The following WWOX variants were observed in gnomAD, a reference collection of about 807,000 sequenced individuals.
WWOX encodes WW domain containing oxidoreductase, also known as WW domain-containing oxidoreductase.
A neutral mutation model predicts 46.2 loss-of-function variants in WWOX; 69 were observed. The ratio of observed to expected loss-of-function variants is 1.49; its 90% CI spans 1.23 to 1.82. The LOEUF is 1.82. Among genes scored for constraint, WWOX ranks in the 40% most tolerant of loss-of-function variants. The pLI is 0.00. For missense variants in WWOX, 919 were observed against 542.6 expected, an observed-to-expected ratio of 1.69 and a Z score of -6.89; for synonymous variants, 359 against 202.6, an observed-to-expected ratio of 1.77 and a Z score of -6.56.
intron 1 of WWOX, among the ~76,000 whole-genome samples, chr16:78,106,374 C>G (rs1006646212): frequency 6.7e-4 from 97 of 143,946 alleles, no homozygotes; most frequent in African/African-American, 2.4e-3. Context: ...CAGCAGAGAG[C>G]GGGTTATCCT....
intron 8 of WWOX, among the ~76,000 whole-genome samples, chr16:78,888,594 A>G (rs1001327722): frequency 6.6e-6 from 1 of 152,124 alleles, no homozygotes; most frequent in Non-Finnish European, 1.5e-5. Flanking sequence ...GACAGCTGTC[A>G]TTCTAATGAG....
At chr16:78,646,073 C>G in intron 8 of WWOX, among the ~76,000 whole-genome samples, 1 of 152,134 alleles carries the variant, frequency 6.6e-6, no homozygotes, top group East Asian at 1.9e-4. Context: ...CCTTGGGTAA[C>G]TGCGCATACT....
intron 5 of WWOX, among the ~76,000 whole-genome samples, chr16:78,349,032 A>G (rs8058059): frequency 0.59 from 68,843 of 117,644 alleles, 28,196 homozygotes; most frequent in African/African-American, 0.7. Flanking sequence ...CAGGCTGGAT[A>G]ACTTGAACAA....
intron 8 of WWOX, among the ~76,000 whole-genome samples, chr16:79,028,580 C>G (rs867371129): frequency 2.6e-5 from 4 of 151,582 alleles, no homozygotes; most frequent in Admixed American, 1.3e-4. Flanking sequence ...CCTTCCCTCC[C>G]TTTCCAGCTT....
At chr16:79,188,441 A>G (rs180967635) in intron 8 of WWOX, among the ~76,000 whole-genome samples, 9 of 152,248 alleles carry the variant, frequency 5.9e-5, no homozygotes, top group African/African-American at 2.2e-4. Context: ...CCTTTCACGG[A>G]TTTCCAAAAT....
At chr16:78,733,582 C>T (rs2049015274) in intron 8 of WWOX, among the ~76,000 whole-genome samples, 1 of 149,234 alleles carries the variant, frequency 6.7e-6, no homozygotes, top group South Asian at 2.1e-4. Flanking sequence ...CCTATCTCTA[C>T]TGAAAATACA....
At chr16:78,971,291 C>T (rs183366489) in intron 8 of WWOX, among the ~76,000 whole-genome samples, 1 of 151,658 alleles carries the variant, frequency 6.6e-6, no homozygotes, top group African/African-American at 2.4e-5. Context: ...TGGTGAAATC[C>T]CATCTCTACT....
chr16:78,119,595 G>C (rs1028172630), intron 4 of WWOX, among the ~76,000 whole-genome samples: 1 of 151,534 alleles, frequency 6.6e-6, no homozygotes, highest in Non-Finnish European at 1.5e-5. Context: ...TTTACGGAGT[G>C]ACATCCAGGG....
intron 8 of WWOX, among the ~76,000 whole-genome samples, chr16:78,666,822 C>T (rs941584267): frequency 1.3e-5 from 2 of 152,172 alleles, no homozygotes; most frequent in African/African-American, 4.8e-5. Context: ...TAAAAGTTTA[C>T]ATTTAATTTT....
chr16:78,790,288 G>C (rs1347235248), intron 8 of WWOX, among the ~76,000 whole-genome samples: 1 of 151,978 alleles, frequency 6.6e-6, no homozygotes, highest in Non-Finnish European at 1.5e-5. Context: ...GCGCACGCCA[G>C]CACGCCTGAC....
At chr16:78,695,945 A>G (rs1222589053) in intron 8 of WWOX, among the ~76,000 whole-genome samples, 2 of 152,110 alleles carry the variant, frequency 1.3e-5, no homozygotes, top group Non-Finnish European at 2.9e-5. Context: ...TCACCTGGAA[A>G]CTTGTTAGAG....
At chr16:78,991,248 C>T (rs1261051805) in intron 8 of WWOX, among the ~76,000 whole-genome samples, 1 of 152,114 alleles carries the variant, frequency 6.6e-6, no homozygotes, top group Non-Finnish European at 1.5e-5. Context: ...AAATTACCAC[C>T]CTCCCACTTT....
intron 8 of WWOX, among the ~76,000 whole-genome samples, chr16:78,886,546 C>A (rs113959708): frequency 3.3e-5 from 5 of 151,404 alleles, no homozygotes; most frequent in Admixed American, 3.3e-4. Context: ...AGAATTTCAT[C>A]TCACATCTAA....
chr16:78,807,430 A>G (rs2051071714), intron 8 of WWOX, among the ~76,000 whole-genome samples: 1 of 152,230 alleles, frequency 6.6e-6, no homozygotes, highest in South Asian at 2.1e-4. Context: ...TGATTGTTTT[A>G]AGGTCCATTA....
intron 5 of WWOX, among the ~76,000 whole-genome samples, chr16:78,327,223 A>G (rs1020715864): frequency 6.6e-6 from 1 of 152,212 alleles, no homozygotes; most frequent in African/African-American, 2.4e-5. Flanking sequence ...ATGAAAGATG[A>G]TAAATGGATG....
chr16:78,883,800 A>C (rs2044394065), intron 8 of WWOX, among the ~76,000 whole-genome samples: 1 of 152,160 alleles, frequency 6.6e-6, no homozygotes, highest in African/African-American at 2.4e-5. Context: ...GGGGAAAGAC[A>C]ATAAACAGCG....
intron 8 of WWOX, among the ~76,000 whole-genome samples, chr16:78,756,124 A>G (rs1042284262): frequency 3.9e-5 from 6 of 152,190 alleles, no homozygotes; most frequent in African/African-American, 7.2e-5. Flanking sequence ...AGGAGAGAGT[A>G]TATAAAACAC....
At chr16:78,902,040 G>C (rs1461501864) in intron 8 of WWOX, among the ~76,000 whole-genome samples, 1 of 152,208 alleles carries the variant, frequency 6.6e-6, no homozygotes, top group African/African-American at 2.4e-5. Flanking sequence ...CAAATTACTG[G>C]GTTGGCGGGA....
chr16:78,446,242 CTG>C (rs1343787016), intron 8 of WWOX, among the ~76,000 whole-genome samples: 8 of 152,120 alleles, frequency 5.3e-5, no homozygotes, highest in African/African-American at 1.9e-4. Context: ...ATTTTGTAAC[CTG>C]TGACGCTCTT....
Sources: gnomAD v4.1 joint callset for allele counts (sites outside exome capture counted in the v4.1 genomes callset) on GRCh38, gnomAD v4.1.1 for gene constraint, MANE v1.5 for transcripts, NCBI Gene and HGNC (gene_info 2026-07-23, HGNC 2026-07-21) for gene names.